TESC: variants seen among roughly 807,000 people sequenced by gnomAD.
TESC encodes calcineurin B homologous protein 3.
In TESC, 19 loss-of-function variants were observed where a neutral mutation model predicts 31.0. That is an observed-to-expected ratio of 0.61 (90% CI 0.43 to 0.90). The LOEUF is 0.90. Among genes scored for constraint, TESC ranks in the 40% least tolerant of loss-of-function variants. The probability of loss-of-function intolerance (pLI) is 0.00; values close to 1 mark genes in which losing one functional copy is unlikely to be tolerated. For missense variants in TESC, 248 were observed against 303.8 expected, an observed-to-expected ratio of 0.82 and a Z score of 1.36; for synonymous variants, 109 against 114.8, an observed-to-expected ratio of 0.95 and a Z score of 0.32.
intron 1 of TESC, among the ~76,000 whole-genome samples, chr12:117,086,795 A>G (rs1206494095): frequency 1.3e-5 from 2 of 152,192 alleles, no homozygotes; most frequent in Non-Finnish European, 2.9e-5. Flanking sequence ...GAGATCATGC[A>G]CACCCTTAGC....
intron 2 of TESC, among the ~76,000 whole-genome samples, chr12:117,064,809 G>A (rs958562204): frequency 6.6e-6 from 1 of 152,220 alleles, no homozygotes; most frequent in South Asian, 2.1e-4. Context: ...ACTCCCATGT[G>A]TCCAGCTGGT....
chr12:117,085,584 T>G (rs1366480410), intron 1 of TESC, among the ~76,000 whole-genome samples: 5 of 152,116 alleles, frequency 3.3e-5, no homozygotes, highest in African/African-American at 9.7e-5. Flanking sequence ...GGGGCATCAC[T>G]GGGGGGCTCA....
At chr12:117,054,308 C>T (rs1423219126) in intron 3 of TESC, among the ~76,000 whole-genome samples, 1 of 151,928 alleles carries the variant, frequency 6.6e-6, no homozygotes, top group East Asian at 1.9e-4. Context: ...ACCTGGCTCA[C>T]CCACCCCCTC....
Position 117,075,297 on chromosome 12 carries a change from C to G in TESC, c.102G>C (p.Gln34His), listed in dbSNP as rs150871128. Reference sequence around the variant, plus strand: ...GAATGGTAGGCTGATCTCCACTCAGCTGCTTAAATCTCCGATGGAGCTGCT... The same window carrying G: ...GAATGGTAGGCTGATCTCCACTCAGGTGCTTAAATCTCCGATGGAGCTGCT... ...QIEQLHRRFK[Q>H]LSGDQPTIRK... Residue 34 changes from glutamine to histidine, a missense_variant, in exon 2 of 8, where the codon CAG (glutamine) becomes CAC (histidine). By Grantham distance (24) the Gln-to-His change is conservative. Coordinates refer to ENST00000335209, the MANE Select transcript of TESC (RefSeq NM_017899.4). 2.0e-5 allele frequency: 32 copies of G among 1,612,138 alleles called. No homozygotes were observed. The African/African-American group carries it at 3.1e-4, about 15-fold the overall frequency.
intron 3 of TESC, chr12:117,053,783 C>A (rs1412662739): frequency 6.6e-6 from 1 of 152,428 alleles, no homozygotes; most frequent in African/African-American, 2.4e-5. Context: ...CACGCACGCA[C>A]CCACAGGCAC....
Position 117,046,802 on chromosome 12 carries a change from C to A in TESC, c.386G>T (p.Arg129Leu). 2 of 1,570,142 alleles carry A rather than the reference C, an allele frequency of 1.3e-6. No individual in the cohort carries two copies. Among genetic ancestry groups the A allele is most frequent in the South Asian group, 1.2e-5 (1 of 85,492 alleles). Residue 129 changes from arginine to leucine, a missense_variant, in exon 5 of 8, where the codon CGC (arginine) becomes CTC (leucine). Arg to Leu is a moderately radical substitution (Grantham distance 102, BLOSUM62 -2). Coordinates refer to ENST00000335209, the MANE Select transcript of TESC (RefSeq NM_017899.4). ...FHMYDSDSDG[R>L]ITLEEYRNVV... Reference sequence around the variant, plus strand: ...ATTTCGATATTCTTCCAGAGTGATGCGGCCGTCGCTGTCCGAGTCGTACAT... The same window carrying A: ...ATTTCGATATTCTTCCAGAGTGATGAGGCCGTCGCTGTCCGAGTCGTACAT...
At chr12:117,068,899 C>A (rs142928820) in intron 2 of TESC, among the ~76,000 whole-genome samples, 26 of 152,210 alleles carry the variant, frequency 1.7e-4, no homozygotes, top group Non-Finnish European at 3.5e-4. Flanking sequence ...AAAACATTTA[C>A]CAGTTAAGGG....
At chr12:117,075,889 A>ATATATATATATATGTGTGTGTGTGTG (rs1955056095) in intron 1 of TESC, among the ~76,000 whole-genome samples, 1 of 71,816 alleles carries the variant, frequency 1.4e-5, no homozygotes, top group African/African-American at 8.4e-5. Flanking sequence ...ATATATATAT[A>ATATATATATATATGTGTGTGTGTGTG]TATATATATA....
intron 1 of TESC, among the ~76,000 whole-genome samples, chr12:117,092,271 C>T (rs1955322693): frequency 6.6e-6 from 1 of 152,146 alleles, no homozygotes; most frequent in South Asian, 2.1e-4. Context: ...AGGACGGCTC[C>T]AGCACCGAGC....
At chr12:117,098,860 T>C (rs1413444490) in intron 1 of TESC, among the ~76,000 whole-genome samples, 1 of 152,040 alleles carries the variant, frequency 6.6e-6, no homozygotes, top group African/African-American at 2.4e-5. Flanking sequence ...TGCAAACGAC[T>C]CTCAGGTGTG....
rs374122867 is a variant in TESC, at chr12:117,049,112, C to T, written c.256G>A (p.Glu86Lys). The T allele has an allele frequency of 5.0e-6, 8 of 1,614,070 alleles. No homozygotes were observed. The highest frequency in any genetic ancestry group is 3.3e-5 in the Admixed American group (2 of 59,998). ...PSGLADEINF[E>K]DFLTIMSYFR... ...TAGGACATGATGGTCAGGAAGTCCTCGAAATTGATCTCATCAGCCAGGCCA... is the reference window on the plus strand; with the variant it reads ...TAGGACATGATGGTCAGGAAGTCCTTGAAATTGATCTCATCAGCCAGGCCA... Residue 86 changes from glutamate to lysine, a missense_variant, in exon 4 of 8, where the codon GAG becomes AAG. Physicochemically the swap from Glu to Lys is moderately conservative, Grantham distance 56. Transcript: ENST00000335209.
chr12:117,065,167 C>T (rs996928108), intron 2 of TESC, among the ~76,000 whole-genome samples: 24 of 152,092 alleles, frequency 1.6e-4, no homozygotes, highest in African/African-American at 5.6e-4. Flanking sequence ...CTCATAGGAC[C>T]CTCCCACATG....
chr12:117,096,436 T>C (rs576170678), intron 1 of TESC, among the ~76,000 whole-genome samples: 2 of 152,230 alleles, frequency 1.3e-5, no homozygotes, highest in East Asian at 3.9e-4. Context: ...ATCCACACAA[T>C]GACTTCAGGA....
intron 3 of TESC, among the ~76,000 whole-genome samples, chr12:117,050,954 G>T (rs1320621504): frequency 6.6e-6 from 1 of 152,174 alleles, no homozygotes; most frequent in African/African-American, 2.4e-5. Flanking sequence ...GCCTGGAGAT[G>T]ACTCCAAACC....
At chr12:117,043,386 C>T (rs959035998) in intron 6 of TESC, among the ~76,000 whole-genome samples, 1 of 152,128 alleles carries the variant, frequency 6.6e-6, no homozygotes, top group African/African-American at 2.4e-5. Flanking sequence ...ACAGGAGGCA[C>T]ACTCTAAGCA....
In TESC at chr12:117,056,971, G is replaced by C. The variant is rs535782756; in HGVS notation, c.129-85C>G. 3.6e-5 allele frequency: 50 copies of C among 1,398,936 alleles called. No individual in the cohort carries two copies. In the South Asian group the frequency reaches 4.4e-4, roughly 12 times the overall value. 86.7% of individuals were successfully genotyped at this position (1,398,936 alleles called of 1,614,324 possible). ...TGGCATTTTCATCCTGTATCAAGCTGTATTTTGGATCCCTAACAGGCCCCC... is the reference window on the plus strand; with the variant it reads ...TGGCATTTTCATCCTGTATCAAGCTCTATTTTGGATCCCTAACAGGCCCCC... On this transcript the variant is annotated intron_variant, in intron 2 of 7. Coordinates refer to ENST00000335209, the MANE Select transcript of TESC (RefSeq NM_017899.4).
At chr12:117,057,080 G>A (rs1954736894) in intron 2 of TESC, among the ~76,000 whole-genome samples, 194 bp from the exon 3 acceptor site, 1 of 152,096 alleles carries the variant, frequency 6.6e-6, no homozygotes, top group Admixed American at 6.6e-5. Flanking sequence ...ACTGGGCAAG[G>A]GCAGGGAGGA....
intron 3 of TESC, 89 bp from the exon 4 acceptor site, chr12:117,049,247 CA>C (rs1372793483): frequency 1.9e-6 from 3 of 1,573,318 alleles, no homozygotes; most frequent in Non-Finnish European, 1.7e-6. Flanking sequence ...ACTCCGCTCT[CA>C]GGGTGCACAC....
chr12:117,083,336 C>T (rs767624418), intron 1 of TESC, among the ~76,000 whole-genome samples: 6 of 152,180 alleles, frequency 3.9e-5, no homozygotes, highest in African/African-American at 1.4e-4. Flanking sequence ...ACCTTGGCCT[C>T]GCAAAGTGCT....
Sources: allele counts gnomAD v4.1 joint callset (sites outside exome capture counted in the v4.1 genomes callset), GRCh38; gene constraint gnomAD v4.1.1; transcripts MANE v1.5; gene names NCBI Gene and HGNC (gene_info 2026-07-23, HGNC 2026-07-21).